LPIN2: variants seen among roughly 807,000 people sequenced by gnomAD.
LPIN2 encodes the protein phosphatidate phosphatase LPIN2.
LPIN2 carries 55 observed loss-of-function variants against 111.4 expected under a neutral mutation model. The observed-to-expected ratio is 0.49, with a 90% CI of 0.40 to 0.62. The LOEUF (loss-of-function observed/expected upper bound fraction) is 0.62. Among genes scored for constraint, LPIN2 ranks in the 20% least tolerant of loss-of-function variants. The pLI is 0.00. For synonymous variants in LPIN2, 425 were observed against 414.0 expected, an observed-to-expected ratio of 1.03 and a Z score of -0.32; for missense variants, 992 against 1,112.1, an observed-to-expected ratio of 0.89 and a Z score of 1.54.
intron 1 of LPIN2, chr18:2,985,429 A>G (rs1192586276): frequency 6.6e-6 from 1 of 152,342 alleles, no homozygotes; most frequent in Admixed American, 6.5e-5. Flanking sequence ...TTACTTTTGT[A>G]TAACATCTTC....
At chr18:2,953,462 CA>C (rs955448545) in intron 3 of LPIN2, among the ~76,000 whole-genome samples, 1 of 151,688 alleles carries the variant, frequency 6.6e-6, no homozygotes, top group Non-Finnish European at 1.5e-5. Context: ...CAAGGTATTA[CA>C]AAGATAAGTA....
intron 1 of LPIN2, among the ~76,000 whole-genome samples, chr18:3,003,244 A>G (rs1010205045): frequency 6.6e-6 from 1 of 152,258 alleles, no homozygotes; most frequent in African/African-American, 2.4e-5. Context: ...CACTAAGTAA[A>G]GCACCACTAA....
At chr18:3,001,763 C>T (rs1467797654) in intron 1 of LPIN2, among the ~76,000 whole-genome samples, 1 of 151,952 alleles carries the variant, frequency 6.6e-6, no homozygotes, top group Non-Finnish European at 1.5e-5. Flanking sequence ...CCTCACAGTA[C>T]TATGTACTTA....
intron 1 of LPIN2, among the ~76,000 whole-genome samples, chr18:3,011,040 G>A (rs2078594088): frequency 6.6e-6 from 1 of 152,004 alleles, no homozygotes; most frequent in African/African-American, 2.4e-5. Flanking sequence ...CGACCGAATC[G>A]CATCCCAAAG....
At chr18:2,946,456 G>T (rs765283762) in intron 4 of LPIN2, 1 of 1,449,646 alleles carries the variant, frequency 6.9e-7, no homozygotes, top group Non-Finnish European at 9.7e-7. Flanking sequence ...GAACGCCTGG[G>T]TGATATGTGC....
At chr18:2,961,686 T>C (rs1197999036) in intron 1 of LPIN2, among the ~76,000 whole-genome samples, 1 of 150,974 alleles carries the variant, frequency 6.6e-6, no homozygotes, top group Non-Finnish European at 1.5e-5. Context: ...AAAAACCAAA[T>C]CCCCCCCTTC....
chr18:2,974,368 C>T (rs994168960), intron 1 of LPIN2, among the ~76,000 whole-genome samples: 1 of 152,208 alleles, frequency 6.6e-6, no homozygotes, highest in Non-Finnish European at 1.5e-5. Context: ...CGTGAGCCAC[C>T]GCGCCTGGGC....
At chr18:2,930,421 A>C (rs2077197579) in intron 9 of LPIN2, among the ~76,000 whole-genome samples, 1 of 152,234 alleles carries the variant, frequency 6.6e-6, no homozygotes, top group Admixed American at 6.5e-5. Context: ...AGAGACAGGG[A>C]AGAGGCATAA....
intron 4 of LPIN2, among the ~76,000 whole-genome samples, chr18:2,947,409 G>A (rs1017388473): frequency 2.0e-5 from 3 of 152,144 alleles, no homozygotes; most frequent in Non-Finnish European, 4.4e-5. Flanking sequence ...AGGCTTCTAT[G>A]TTATATTTAA....
chr18:2,945,228 A>G (rs1360512658), intron 4 of LPIN2, among the ~76,000 whole-genome samples: 3 of 152,234 alleles, frequency 2.0e-5, no homozygotes, highest in Non-Finnish European at 4.4e-5. Flanking sequence ...AAGTTCCTTA[A>G]TATTTCTTTG....
chr18:2,946,015 C>A (rs1407433439), intron 4 of LPIN2: 10 of 1,385,248 alleles, frequency 7.2e-6, no homozygotes. Flanking sequence ...ATGATATACA[C>A]AGACTTCTTC....
chr18:2,952,444 T>G (rs1224644409), intron 3 of LPIN2, among the ~76,000 whole-genome samples: 4 of 152,120 alleles, frequency 2.6e-5, no homozygotes, highest in Non-Finnish European at 5.9e-5. Context: ...ACAAAAAAAT[T>G]AACCTCATAT....
chr18:2,931,203 T>A lies in LPIN2; in HGVS notation c.1456+53A>T, dbSNP rs1050745566. On this transcript the variant is annotated intron_variant, in intron 9 of 19. Transcript: ENST00000677752. ...GGCTACACGGTAAGTTTTAACCAAG[T>A]GATGACCAGATTGCTCTCTGAAATG... is the stretch of plus-strand genomic sequence containing the variant. 4 of 1,582,688 alleles carry A rather than the reference T, an allele frequency of 2.5e-6. No homozygotes were observed. The African/African-American group carries it at 5.4e-5, about 21-fold the overall frequency.
At position 2,930,510 on chromosome 18, in the gene LPIN2, C is replaced by T. The variant is rs577388241; in HGVS notation, c.1456+746G>A. Among the ~76,000 whole-genome samples the T allele has an allele frequency of 7.2e-5, 11 of 152,364 alleles. No individual in the cohort carries two copies. In the East Asian group the frequency reaches 2.1e-3, roughly 29 times the overall value. Reference sequence around the variant, plus strand: ...CCTCTGGCCATGCAGTCTGCCACATCACACCTTCAGTTCCTCTAAGGGAGA... The same window carrying T: ...CCTCTGGCCATGCAGTCTGCCACATTACACCTTCAGTTCCTCTAAGGGAGA... On this transcript the variant is annotated intron_variant, in intron 9 of 19. Transcript: ENST00000677752.
intron 1 of LPIN2, among the ~76,000 whole-genome samples, chr18:2,962,301 T>C (rs901454703): frequency 2.0e-5 from 3 of 152,134 alleles, no homozygotes; most frequent in East Asian, 1.9e-4. Flanking sequence ...AATGCACCCA[T>C]AGAAAAGCTG....
chr18:2,935,588 T>G (rs1213927803), intron 7 of LPIN2, among the ~76,000 whole-genome samples: 1 of 152,186 alleles, frequency 6.6e-6, no homozygotes, highest in East Asian at 1.9e-4. Context: ...AATTTTGGCT[T>G]GGGAAACAGG....
Position 2,920,337 on chromosome 18 carries a change from A to G in LPIN2, c.2647T>C (p.Trp883Arg). ...PCPEFSSFCY[W>R]RDPIPEVDLD... ...TCCACTTCAGGGATCGGGTCTCGCC[A>G]GTAGCAGAAGGAGCTGAACTCCGGG... Residue 883 changes from tryptophan to arginine, a missense_variant, in exon 20 of 20, where the codon TGG becomes CGG. Coordinates refer to ENST00000677752, the MANE Select transcript of LPIN2 (RefSeq NM_001375808.2). The G allele has an allele frequency of 6.2e-7, 1 of 1,614,200 alleles. No individual in the cohort carries two copies.
intron 1 of LPIN2, among the ~76,000 whole-genome samples, chr18:3,005,851 C>T (rs1338748660): frequency 2.6e-5 from 4 of 152,152 alleles, no homozygotes; most frequent in African/African-American, 7.2e-5. Context: ...CACAGCAAGA[C>T]CTCATCGCTA....
chr18:2,987,766 AAACGAACGGCTGCTGTAATTTT>A (rs1019822151), intron 1 of LPIN2, among the ~76,000 whole-genome samples: 29 of 152,258 alleles, frequency 1.9e-4, no homozygotes, highest in African/African-American at 6.7e-4. Flanking sequence ...CCATCTATAG[AAACGAACGGCTGCTGTAATTTT>A]AAGTGTACTT....
Sources: allele counts gnomAD v4.1 joint callset (sites outside exome capture counted in the v4.1 genomes callset), GRCh38; gene constraint gnomAD v4.1.1; transcripts MANE v1.5; gene names NCBI Gene and HGNC (gene_info 2026-07-23, HGNC 2026-07-21).